The following PREX2 variants were observed in gnomAD, a reference collection of about 807,000 sequenced individuals.
PREX2 encodes the protein phosphatidylinositol 3,4,5-trisphosphate-dependent Rac exchanger 2 protein.
Under a neutral mutation model 203.2 loss-of-function variants are expected in PREX2, and 107 were observed. The ratio of observed to expected loss-of-function variants is 0.53; its 90% CI spans 0.45 to 0.62. The LOEUF (loss-of-function observed/expected upper bound fraction) is 0.62. Ranked by LOEUF, PREX2 falls within the 20% of genes least tolerant of loss-of-function variation. The pLI is 0.00. For synonymous variants in PREX2, 672 were observed against 663.6 expected (o/e 1.01, Z -0.19); for missense variants, 1,777 against 1,955.9 (o/e 0.91, Z 1.72).
At chr8:68,113,016 C>A (rs753172047) in intron 25 of PREX2, among the ~76,000 whole-genome samples, 6 of 152,098 alleles carry the variant, frequency 3.9e-5, no homozygotes, top group Non-Finnish European at 7.4e-5. Flanking sequence ...CCTGGAATTG[C>A]ATGCTGCTGA....
chr8:68,094,680 G>A (rs544339465), intron 21 of PREX2, among the ~76,000 whole-genome samples: 1 of 152,296 alleles, frequency 6.6e-6, no homozygotes, highest in East Asian at 1.9e-4. Flanking sequence ...CTATTCTGAG[G>A]TGTTTTCATT....
At chr8:68,098,564 G>T (rs973590259) in intron 22 of PREX2, among the ~76,000 whole-genome samples, 1 of 151,952 alleles carries the variant, frequency 6.6e-6, no homozygotes, top group African/African-American at 2.4e-5. Flanking sequence ...TTGGAACCAG[G>T]TTATTATAAT....
chr8:68,168,906 T>A (rs1307989249), intron 35 of PREX2, among the ~76,000 whole-genome samples: 2 of 69,204 alleles, frequency 2.9e-5, no homozygotes, highest in Non-Finnish European at 5.3e-5. Context: ...CCTCAGAAGA[T>A]GACTTTTTTT....
At chr8:68,047,506 T>TATATATATAC (rs1227593656) in intron 8 of PREX2, among the ~76,000 whole-genome samples, 1 of 54,938 alleles carries the variant, frequency 1.8e-5, no homozygotes, top group African/African-American at 1.4e-4. Flanking sequence ...TATATATATA[T>TATATATATAC]ACACATACAT....
In PREX2 at chr8:68,027,212, T is replaced by C. The variant is rs779593136; in HGVS notation, c.442-10T>C. On this transcript the variant is annotated splice_polypyrimidine_tract_variant and intron_variant, in intron 4 of 39. Transcript: ENST00000288368. ...AAAGATGTAATTAATTTTGATTATT[T>C]TCACCCCAGAACTGCATGCTGCTTG... The C allele has an allele frequency of 6.3e-7, 1 of 1,596,316 alleles. No homozygotes were observed. The highest frequency in any genetic ancestry group is 8.6e-7 in the Non-Finnish European group (1 of 1,165,058).
At chr8:68,020,376 A>G (rs1224865866) in intron 3 of PREX2, among the ~76,000 whole-genome samples, 3 of 151,292 alleles carry the variant, frequency 2.0e-5, no homozygotes, top group Non-Finnish European at 4.4e-5. Flanking sequence ...GTATACCGTT[A>G]CGCTGATGCT....
intron 7 of PREX2, among the ~76,000 whole-genome samples, chr8:68,041,395 A>C (rs1364095058): frequency 6.6e-6 from 1 of 152,164 alleles, no homozygotes; most frequent in Non-Finnish European, 1.5e-5. Flanking sequence ...GATATATGGT[A>C]ATTCTGCCAT....
intron 35 of PREX2, among the ~76,000 whole-genome samples, chr8:68,163,079 G>C (rs1386148012): frequency 2.6e-5 from 4 of 152,014 alleles, no homozygotes; most frequent in African/African-American, 7.3e-5. Context: ...AAAAGCATTT[G>C]GTCTAGTTAT....
chr8:68,014,781 A>T (rs958935706), intron 1 of PREX2, among the ~76,000 whole-genome samples: 3 of 152,214 alleles, frequency 2.0e-5, no homozygotes, highest in Non-Finnish European at 2.9e-5. Flanking sequence ...GAATAAACAT[A>T]AAGAATTGTT....
chr8:68,115,749 G>T lies in PREX2; in HGVS notation c.3147-4G>T, dbSNP rs1472674022. On this transcript the variant is annotated splice_polypyrimidine_tract_variant and splice_region_variant and intron_variant, in intron 25 of 39. Coordinates refer to ENST00000288368, the MANE Select transcript of PREX2 (RefSeq NM_024870.4). ...GTGCATTTTTTTTTAATATTACATT[G>T]CAGCCTTCTGTCTTCAATAACATAT... 1 of 1,596,690 alleles carries T rather than the reference G, an allele frequency of 6.3e-7. No individual in the cohort carries two copies. Among genetic ancestry groups the T allele is most frequent in the African/African-American group, 1.4e-5 (1 of 73,880 alleles).
rs142704327 is a variant in PREX2 at position 67,986,253 on chromosome 8, G to A, written c.142-31593G>A. On this transcript the variant is annotated intron_variant, in intron 1 of 39. Transcript: ENST00000288368. ...TCTCCACCGTAATCCCAGAGAGTAG[G>A]CACTCTTATAGATGGGGAACTCAGG... Among the ~76,000 whole-genome samples the A allele has an allele frequency of 7.8e-3, 1,187 of 152,296 alleles. 13 individuals carry two copies. Among genetic ancestry groups the A allele is most frequent in the African/African-American group, 0.021 (855 of 41,554 alleles).
chr8:67,988,861 C>A (rs1014578544), intron 1 of PREX2, among the ~76,000 whole-genome samples: 1 of 152,234 alleles, frequency 6.6e-6, no homozygotes, highest in South Asian at 2.1e-4. Flanking sequence ...CTCCAGCCAA[C>A]TATCGCCAAG....
intron 39 of PREX2, among the ~76,000 whole-genome samples, chr8:68,229,465 C>T (rs1332040738): frequency 6.6e-6 from 1 of 152,146 alleles, no homozygotes; most frequent in Non-Finnish European, 1.5e-5. Flanking sequence ...TTCTGAATTC[C>T]CAAAGCTCTG....
intron 1 of PREX2, among the ~76,000 whole-genome samples, chr8:67,955,271 A>G (rs931120159): frequency 1.8e-4 from 27 of 151,944 alleles, no homozygotes; most frequent in Admixed American, 5.2e-4. Flanking sequence ...AGGAAAGAGC[A>G]TCTTCCCCCA....
chr8:67,953,452 T>G (rs1805412143), intron 1 of PREX2, among the ~76,000 whole-genome samples: 1 of 152,170 alleles, frequency 6.6e-6, no homozygotes, highest in Non-Finnish European at 1.5e-5. Flanking sequence ...AATTTGAGCC[T>G]TGGCTTCTTT....
intron 39 of PREX2, 47 bp downstream of exon 39, chr8:68,224,673 T>C: frequency 6.2e-6 from 9 of 1,449,204 alleles, no homozygotes; most frequent in Middle Eastern, 1.7e-4. Flanking sequence ...TTTGCCAGCA[T>C]TTTCCCCGGC....
chr8:68,135,585 T>C (rs1049418300), intron 32 of PREX2, among the ~76,000 whole-genome samples: 3 of 152,152 alleles, frequency 2.0e-5, no homozygotes, highest in African/African-American at 7.2e-5. Context: ...GTAATAAGTT[T>C]TGGGGAGGAT....
chr8:68,047,958 G>T (rs1456270529), intron 8 of PREX2, among the ~76,000 whole-genome samples: 2 of 151,458 alleles, frequency 1.3e-5, no homozygotes, highest in Non-Finnish European at 2.9e-5. Flanking sequence ...TTAATGACTT[G>T]GTTTATATCA....
intron 32 of PREX2, 103 bp downstream of exon 32, chr8:68,134,379 A>G (rs777601183): frequency 3.9e-5 from 35 of 908,644 alleles, no homozygotes; most frequent in African/African-American, 2.0e-4. Flanking sequence ...GGTTATCTCT[A>G]TGAATGTGCG....
Sources: gnomAD v4.1 joint callset for allele counts (sites outside exome capture counted in the v4.1 genomes callset) on GRCh38, gnomAD v4.1.1 for gene constraint, MANE v1.5 for transcripts, NCBI Gene and HGNC (gene_info 2026-07-23, HGNC 2026-07-21) for gene names.